The following NIBAN2 variants were observed in gnomAD, a reference collection of about 807,000 sequenced individuals.
The protein encoded by NIBAN2 is niban apoptosis regulator 2.
Under a neutral mutation model 81.8 loss-of-function variants are expected in NIBAN2, and 36 were observed. The observed-to-expected ratio is 0.44, with a 90% CI of 0.34 to 0.58. NIBAN2 has a LOEUF of 0.58. Among genes scored for constraint, NIBAN2 ranks in the 20% least tolerant of loss-of-function variants. NIBAN2 has a pLI of 0.02. For missense variants in NIBAN2, 897 were observed against 1,014.1 expected, an observed-to-expected ratio of 0.88 and a Z score of 1.57; for synonymous variants, 445 against 441.6, an observed-to-expected ratio of 1.01 and a Z score of -0.10.
chr9:127,549,653 G>A (rs1837540870), intron 1 of NIBAN2, among the ~76,000 whole-genome samples: 1 of 152,218 alleles, frequency 6.6e-6, no homozygotes, highest in Non-Finnish European at 1.5e-5. Flanking sequence ...GGGAAGAAGA[G>A]AACAAGAAAG....
chr9:127,556,656 G>A (rs1392366479), intron 1 of NIBAN2, among the ~76,000 whole-genome samples: 1 of 152,220 alleles, frequency 6.6e-6, no homozygotes, highest in Non-Finnish European at 1.5e-5. Context: ...AAGGCATAAA[G>A]CCTGACCTAG....
At chr9:127,524,863 A>G in intron 4 of NIBAN2, 195 bp downstream of exon 4, 1 of 554,124 alleles carries the variant, frequency 1.8e-6, no homozygotes, top group Non-Finnish European at 3.2e-6. Context: ...AAGGTCACTG[A>G]ACATCTTCCA....
At chr9:127,556,295 G>A (rs1837668679) in intron 1 of NIBAN2, among the ~76,000 whole-genome samples, 1 of 152,116 alleles carries the variant, frequency 6.6e-6, no homozygotes, top group South Asian at 2.1e-4. Flanking sequence ...CCTTCCACAA[G>A]GGCAGGGGGT....
intron 3 of NIBAN2, among the ~76,000 whole-genome samples, chr9:127,525,613 C>T (rs1271184595): frequency 3.3e-5 from 5 of 152,128 alleles, no homozygotes; most frequent in South Asian, 4.1e-4. Context: ...CGAGCTTGGC[C>T]GAGGTTGTTG....
chr9:127,506,733 G>T lies in NIBAN2; in HGVS notation c.*112C>A. The T allele has an allele frequency of 1.0e-6, 1 of 991,654 alleles. No homozygotes were observed. The highest frequency in any genetic ancestry group is 1.4e-6 in the Non-Finnish European group (1 of 693,638). 61.4% of individuals were successfully genotyped at this position (991,654 alleles called of 1,614,324 possible). Reference sequence around the variant, plus strand: ...CTCCCTGGCGGTGCCACACAGCCCTGCCCCGCCTCCACCCACAAGGCACAG... The same window carrying T: ...CTCCCTGGCGGTGCCACACAGCCCTTCCCCGCCTCCACCCACAAGGCACAG... On this transcript the variant is annotated 3_prime_UTR_variant, in exon 14 of 14. Coordinates refer to ENST00000373312, the MANE Select transcript of NIBAN2 (RefSeq NM_022833.4).
chr9:127,568,400 G>C (rs1225639768), intron 1 of NIBAN2, among the ~76,000 whole-genome samples: 2 of 152,210 alleles, frequency 1.3e-5, no homozygotes, highest in East Asian at 3.9e-4. Flanking sequence ...GACGGCTGGG[G>C]AGGAAGGTGA....
chr9:127,567,229 C>T (rs953167764), intron 1 of NIBAN2, among the ~76,000 whole-genome samples: 26 of 152,120 alleles, frequency 1.7e-4, no homozygotes, highest in African/African-American at 6.3e-4. Context: ...ATGCAAGGCA[C>T]ACCCCACCCA....
chr9:127,541,047 C>T (rs1445484698), intron 1 of NIBAN2, among the ~76,000 whole-genome samples: 3 of 152,200 alleles, frequency 2.0e-5, no homozygotes, highest in Non-Finnish European at 2.9e-5. Flanking sequence ...GTGCCGACCC[C>T]ACCCACCCTA....
At chr9:127,515,611 T>C (rs1588154672) in intron 8 of NIBAN2, among the ~76,000 whole-genome samples, 1 of 149,452 alleles carries the variant, frequency 6.7e-6, no homozygotes, top group South Asian at 2.1e-4. Context: ...CCGAGGCAGG[T>C]GGATCACTTG....
chr9:127,516,711 G>T, intron 8 of NIBAN2, 146 bp downstream of exon 8: 1 of 826,742 alleles, frequency 1.2e-6, no homozygotes, highest in Non-Finnish European at 1.9e-6. Flanking sequence ...CACAGGGGTT[G>T]GAGTACCACA....
rs1437942967 is a variant in NIBAN2 at position 127,531,628 on chromosome 9, G to C, written c.186+20C>G. 2 of 1,608,868 alleles carry C rather than the reference G, an allele frequency of 1.2e-6. No homozygotes were observed. Among genetic ancestry groups the C allele is most frequent in the African/African-American group, 2.7e-5 (2 of 74,868 alleles). On this transcript the variant is annotated intron_variant, in intron 2 of 13. Transcript: ENST00000373312. ...GCGAGAAGTAGCAGAACATACCCGA[G>C]CCCTCCCAGCACCTCTCACCTTGCG...
At position 127,506,706 on chromosome 9, in the gene NIBAN2, C is replaced by T. The variant is rs759752799; in HGVS notation, c.*139G>A. The stretch of plus-strand genomic sequence containing the variant: ...CCCAATAAAGTGACTCAGGTGGGCC[C>T]GCTCCCTGGCGGTGCCACACAGCCC... On this transcript the variant is annotated 3_prime_UTR_variant, in exon 14 of 14. Coordinates refer to ENST00000373312, the MANE Select transcript of NIBAN2 (RefSeq NM_022833.4). The T allele has an allele frequency of 9.2e-6, 6 of 654,932 alleles. No individual in the cohort carries two copies. Among genetic ancestry groups the T allele is most frequent in the Non-Finnish European group, 1.2e-5 (5 of 411,528 alleles). The allele number at this position is 654,932 out of a possible 1,614,324, so 40.6% of individuals were successfully genotyped here. A position where few individuals can be genotyped will look rare whatever the true frequency, so the allele number is the denominator to read the frequency against.
chr9:127,556,909 T>C (rs1837682288), intron 1 of NIBAN2, among the ~76,000 whole-genome samples: 1 of 152,116 alleles, frequency 6.6e-6, no homozygotes, highest in South Asian at 2.1e-4. Flanking sequence ...ACTCTGCCTA[T>C]ACAAAATATA....
intron 2 of NIBAN2, among the ~76,000 whole-genome samples, chr9:127,528,004 A>C (rs1837109195): frequency 6.6e-6 from 1 of 152,178 alleles, no homozygotes; most frequent in African/African-American, 2.4e-5. Context: ...GGACCTTCCT[A>C]CAAAGCCCTA....
intron 2 of NIBAN2, among the ~76,000 whole-genome samples, chr9:127,529,315 G>A (rs940499479): frequency 8.5e-5 from 13 of 152,214 alleles, no homozygotes; most frequent in Non-Finnish European, 1.3e-4. Context: ...GTGGGGCCAC[G>A]GGGCTGAGCA....
At chr9:127,555,218 T>C (rs1347475523) in intron 1 of NIBAN2, among the ~76,000 whole-genome samples, 1 of 152,100 alleles carries the variant, frequency 6.6e-6, no homozygotes, top group Middle Eastern at 3.2e-3. Flanking sequence ...ACATTCTAGA[T>C]GTGAAATGTT....
chr9:127,541,485 C>A (rs917408541), intron 1 of NIBAN2, among the ~76,000 whole-genome samples: 5 of 152,220 alleles, frequency 3.3e-5, no homozygotes, highest in African/African-American at 1.2e-4. Context: ...AGGGAACCAA[C>A]GTTTGGGCAA....
upstream of NIBAN2, among the ~76,000 whole-genome samples, chr9:127,572,974 G>A (rs1837965576): frequency 1.3e-5 from 2 of 152,190 alleles, no homozygotes; most frequent in Non-Finnish European, 2.9e-5. Context: ...GAGCCCAGGA[G>A]TTTGAGGCTG....
In NIBAN2 at chr9:127,569,045, C is replaced by A; in HGVS notation, c.-171G>T. On this transcript the variant is annotated 5_prime_UTR_variant, in exon 1 of 14. Coordinates refer to ENST00000373312, the MANE Select transcript of NIBAN2 (RefSeq NM_022833.4). ...CTTCCGCTCCGGCTCCGCTCCCGGTCGGGCCCCGTCCCTCCAGCCGGCCGC... is the reference window on the plus strand; with the variant it reads ...CTTCCGCTCCGGCTCCGCTCCCGGTAGGGCCCCGTCCCTCCAGCCGGCCGC... The A allele has an allele frequency of 5.5e-6, 6 of 1,095,248 alleles. No individual in the cohort carries two copies. The highest frequency in any genetic ancestry group is 4.4e-5 in the South Asian group (1 of 22,896). 67.8% of individuals were successfully genotyped at this position (1,095,248 alleles called of 1,614,324 possible).
Sources: allele counts gnomAD v4.1 joint callset (sites outside exome capture counted in the v4.1 genomes callset), GRCh38; gene constraint gnomAD v4.1.1; transcripts MANE v1.5; gene names NCBI Gene and HGNC (gene_info 2026-07-23, HGNC 2026-07-21).